NR6A1: variants seen among roughly 807,000 people sequenced by gnomAD.
NR6A1 encodes the protein nuclear receptor subfamily 6 group A member 1.
NR6A1 carries 7 observed loss-of-function variants against 59.1 expected under a neutral mutation model. That is an observed-to-expected ratio of 0.12 (90% confidence interval 0.07 to 0.22). NR6A1 has a LOEUF of 0.22. Ranked by LOEUF, NR6A1 falls within the 10% of genes least tolerant of loss-of-function variation. NR6A1 has a pLI of 1.00. For synonymous variants in NR6A1, 243 were observed against 236.1 expected (o/e 1.03, Z -0.27); for missense variants, 468 against 611.6 (o/e 0.77, Z 2.48).
At chr9:124,625,855 T>A (rs1208686389) in intron 2 of NR6A1, among the ~76,000 whole-genome samples, 1 of 152,172 alleles carries the variant, frequency 6.6e-6, no homozygotes, top group East Asian at 1.9e-4. Context: ...GCCTCCCTCC[T>A]ACAAGAGAGA....
intron 6 of NR6A1, 64 bp from the exon 7 acceptor site, chr9:124,536,196 G>A: frequency 6.4e-7 from 1 of 1,557,100 alleles, no homozygotes; most frequent in South Asian, 1.2e-5. Context: ...AGGGTACAGA[G>A]AGAAGGTAGT....
intron 2 of NR6A1, among the ~76,000 whole-genome samples, chr9:124,564,743 G>A (rs1044015372): frequency 4.0e-5 from 6 of 151,250 alleles, no homozygotes; most frequent in Non-Finnish European, 5.9e-5. Context: ...AAATGTATAC[G>A]GAAATGCAAA....
At chr9:124,759,594 T>C (rs1840731882) in intron 1 of NR6A1, among the ~76,000 whole-genome samples, 1 of 152,228 alleles carries the variant, frequency 6.6e-6, no homozygotes, top group African/African-American at 2.4e-5. Flanking sequence ...TCAATATTCA[T>C]GGAACACCAA....
At chr9:124,650,533 A>C (rs1837068528) in intron 2 of NR6A1, among the ~76,000 whole-genome samples, 1 of 152,240 alleles carries the variant, frequency 6.6e-6, no homozygotes, top group Non-Finnish European at 1.5e-5. Flanking sequence ...ATAGCACAGT[A>C]GGGCAACTGT....
intron 2 of NR6A1, among the ~76,000 whole-genome samples, chr9:124,576,732 T>C (rs1264388668): frequency 6.6e-6 from 1 of 152,176 alleles, no homozygotes. Flanking sequence ...AAAAGACTTG[T>C]AGAGTGCTGG....
chr9:124,718,882 T>C (rs186949701), intron 2 of NR6A1, among the ~76,000 whole-genome samples: 414 of 141,592 alleles, frequency 2.9e-3, no homozygotes, highest in Admixed American at 5.2e-3. Context: ...TGGCGCGATC[T>C]TGGCTCACTG....
chr9:124,750,963 A>G (rs575619521), intron 1 of NR6A1, among the ~76,000 whole-genome samples: 1 of 152,148 alleles, frequency 6.6e-6, no homozygotes, highest in African/African-American at 2.4e-5. Context: ...TGTATCCTCT[A>G]CCAGAAGCTA....
chr9:124,540,587 TC>T, intron 4 of NR6A1, among the ~76,000 whole-genome samples: 1 of 152,244 alleles, frequency 6.6e-6, no homozygotes, highest in East Asian at 1.9e-4. Context: ...CTTTGGGAGT[TC>T]CAGGAGTTCA....
chr9:124,757,901 A>G (rs1840679980), intron 1 of NR6A1, among the ~76,000 whole-genome samples: 1 of 152,230 alleles, frequency 6.6e-6, no homozygotes, highest in Admixed American at 6.5e-5. Context: ...TGTTTCACAC[A>G]CTTCGGCTTG....
At chr9:124,705,706 C>G (rs1463728272) in intron 2 of NR6A1, among the ~76,000 whole-genome samples, 1 of 151,256 alleles carries the variant, frequency 6.6e-6, no homozygotes, top group Non-Finnish European at 1.5e-5. Context: ...CTATTTTTGT[C>G]TTTTTTTTAA....
intron 7 of NR6A1, among the ~76,000 whole-genome samples, chr9:124,535,638 A>C (rs1275250799): frequency 6.6e-6 from 1 of 152,202 alleles, no homozygotes. Flanking sequence ...TGAATGCATA[A>C]AATGTATTCC....
intron 1 of NR6A1, among the ~76,000 whole-genome samples, chr9:124,745,528 G>A (rs1357250750): frequency 1.3e-5 from 2 of 151,576 alleles, no homozygotes; most frequent in South Asian, 2.1e-4. Context: ...AAAATTAGCC[G>A]GGCATGGTGG....
chr9:124,592,524 C>A (rs1835158375), intron 2 of NR6A1, among the ~76,000 whole-genome samples: 1 of 152,144 alleles, frequency 6.6e-6, no homozygotes, highest in Non-Finnish European at 1.5e-5. Flanking sequence ...TTTTCCCCAG[C>A]AAAAGGGTAC....
At chr9:124,569,881 AAAATTGACATCAGCT>A (rs1834387499) in intron 2 of NR6A1, among the ~76,000 whole-genome samples, 2 of 152,250 alleles carry the variant, frequency 1.3e-5, no homozygotes, top group African/African-American at 2.4e-5. Context: ...GACATTTCTA[AAAATTGACATCAGCT>A]GAATGAAAAC....
chr9:124,626,138 T>C (rs1836235393), intron 2 of NR6A1, among the ~76,000 whole-genome samples: 1 of 152,228 alleles, frequency 6.6e-6, no homozygotes. Flanking sequence ...TCCGAGCAGC[T>C]GGGACTACAG....
At chr9:124,612,681 C>A (rs1835783720) in intron 2 of NR6A1, among the ~76,000 whole-genome samples, 1 of 152,198 alleles carries the variant, frequency 6.6e-6, no homozygotes, top group African/African-American at 2.4e-5. Context: ...AGGAATTATA[C>A]CCTTAAAAAT....
chr9:124,770,907 C>A (rs934575845), intron 1 of NR6A1, 113 bp downstream of exon 1: 6 of 563,998 alleles, frequency 1.1e-5, no homozygotes, highest in South Asian at 1.9e-4. Flanking sequence ...TAAGGGGCCG[C>A]GGGGCCGCTG....
chr9:124,665,075 T>C (rs997551451), intron 2 of NR6A1, among the ~76,000 whole-genome samples: 3 of 145,088 alleles, frequency 2.1e-5, no homozygotes, highest in African/African-American at 7.6e-5. Flanking sequence ...GTGCCTCTGG[T>C]CCCAGCTACA....
chr9:124,542,488 C>T (rs1833477622), intron 4 of NR6A1, among the ~76,000 whole-genome samples: 1 of 152,174 alleles, frequency 6.6e-6, no homozygotes, highest in Non-Finnish European at 1.5e-5. Context: ...TCTCTCCCCT[C>T]TATCTGCACT....
Sources: allele counts gnomAD v4.1 joint callset (sites outside exome capture counted in the v4.1 genomes callset), GRCh38; gene constraint gnomAD v4.1.1; transcripts MANE v1.5; gene names NCBI Gene and HGNC (gene_info 2026-07-23, HGNC 2026-07-21).